The following UTP20 variants were observed in gnomAD, a reference collection of about 807,000 sequenced individuals.
UTP20 encodes the protein UTP20 small subunit processome component.
A neutral mutation model predicts 329.5 loss-of-function variants in UTP20; 164 were observed. The observed-to-expected ratio is 0.50, with a 90% CI of 0.44 to 0.57. UTP20 has a LOEUF of 0.57. UTP20 is among the 20% of genes least tolerant of loss of function. UTP20 has a pLI of 0.00. For missense variants in UTP20, 3,055 were observed against 3,284.2 expected (o/e 0.93, Z 1.71); for synonymous variants, 1,151 against 1,159.3 (o/e 0.99, Z 0.14).
chr12:101,318,478 CA>C (rs1873045851), intron 22 of UTP20, among the ~76,000 whole-genome samples: 1 of 152,126 alleles, frequency 6.6e-6, no homozygotes, highest in Non-Finnish European at 1.5e-5. Context: ...GAGTCATAGT[CA>C]ATCCTGCCTG....
chr12:101,287,656 C>T (rs979072196), intron 5 of UTP20, among the ~76,000 whole-genome samples: 3 of 152,192 alleles, frequency 2.0e-5, no homozygotes, highest in Admixed American at 6.5e-5. Context: ...TTAATACTAA[C>T]GTTCTTCCTG....
In UTP20 at chr12:101,345,669, T is replaced by C; in HGVS notation, c.4721T>C (p.Phe1574Ser). The C allele has an allele frequency of 6.2e-7, 1 of 1,609,750 alleles. No individual in the cohort carries two copies. The highest frequency in any genetic ancestry group is 8.5e-7 in the Non-Finnish European group (1 of 1,179,130). ...LTHYHDPEMD[F>S]FENMKHIQIH... ...CATTACCATGACCCAGAAATGGACT[T>C]CTTTGAGAACATGAAGCACATTCAG... is the stretch of plus-strand genomic sequence containing the variant. Residue 1574 changes from phenylalanine (F) to serine (S), a missense_variant, in exon 37 of 62, where the codon TTC becomes TCC. Transcript: ENST00000261637.
At chr12:101,315,885 T>C (rs1198177962) in intron 21 of UTP20, among the ~76,000 whole-genome samples, 1 of 152,176 alleles carries the variant, frequency 6.6e-6, no homozygotes, top group African/African-American at 2.4e-5. Flanking sequence ...AGTCTAATGG[T>C]ACAAGATGCT....
chr12:101,345,502 G>T, intron 36 of UTP20, 52 bp from the exon 37 acceptor site: 2 of 1,185,852 alleles, frequency 1.7e-6, no homozygotes, highest in Non-Finnish European at 2.3e-6. Flanking sequence ...CCTCATATTA[G>T]AAACAAATTC....
intron 48 of UTP20, among the ~76,000 whole-genome samples, chr12:101,368,764 G>A (rs34859860): frequency 0.13 from 20,340 of 152,178 alleles, 1,532 homozygotes; most frequent in Middle Eastern, 0.24. Flanking sequence ...TTAGGGCGAG[G>A]GCCTAGGTAC....
intron 26 of UTP20, among the ~76,000 whole-genome samples, chr12:101,328,944 A>T (rs2137266488): frequency 6.6e-6 from 1 of 152,142 alleles, no homozygotes; most frequent in African/African-American, 2.4e-5. Flanking sequence ...AGTGTAAAGA[A>T]ATTGGATGAG....
chr12:101,340,925 G>A (rs914193024), intron 32 of UTP20, among the ~76,000 whole-genome samples: 6 of 128,820 alleles, frequency 4.7e-5, no homozygotes, highest in Non-Finnish European at 8.4e-5. Context: ...CCCAAGAAGT[G>A]CATTGTGTAA....
chr12:101,344,524 C>A (rs1003114532), intron 35 of UTP20, 71 bp from the exon 36 acceptor site: 8 of 780,002 alleles, frequency 1.0e-5, no homozygotes, highest in Non-Finnish European at 1.8e-5. Flanking sequence ...TAGATGCTTG[C>A]ACTGGGAAGT....
chr12:101,355,888 G>GT (rs1311945479), intron 41 of UTP20, among the ~76,000 whole-genome samples: 10 of 152,064 alleles, frequency 6.6e-5, no homozygotes, highest in African/African-American at 2.4e-4. Context: ...CACTCACACA[G>GT]TTGACAGTTC....
At chr12:101,325,465 C>T (rs552857740) in intron 25 of UTP20, among the ~76,000 whole-genome samples, 1 of 152,320 alleles carries the variant, frequency 6.6e-6, no homozygotes, top group East Asian at 1.9e-4. Flanking sequence ...GTGGGTAAAA[C>T]TCCTAGTACC....
chr12:101,371,022 C>T, intron 50 of UTP20, 36 bp from the exon 51 acceptor site: 3 of 1,592,166 alleles, frequency 1.9e-6, no homozygotes, highest in East Asian at 2.2e-5. Flanking sequence ...CAGCAAAACA[C>T]ATGAAATGAG....
At chr12:101,303,702 A>G (rs536663186) in intron 15 of UTP20, among the ~76,000 whole-genome samples, 1 of 152,212 alleles carries the variant, frequency 6.6e-6, no homozygotes, top group South Asian at 2.1e-4. Flanking sequence ...TTTTACTCTG[A>G]ATGAAAGGGG....
rs754125503 is a variant in UTP20 at position 101,356,588 on chromosome 12, C to T, written c.5429C>T (p.Ser1810Leu). Residue 1810 changes from serine to leucine, a missense_variant, in exon 42 of 62, where the codon TCA (serine) becomes TTA (leucine). By Grantham distance (145) the Ser-to-Leu change is moderately radical. This residue lies in a region of UTP20 where 2,445 missense variants were observed against 2,575.5 expected (regional missense o/e 0.95). Coordinates refer to ENST00000261637, the MANE Select transcript of UTP20 (RefSeq NM_014503.3). ...KREEEHKLVKSKVVNDEEVVR... is the reference protein window; with the variant it reads ...KREEEHKLVKLKVVNDEEVVR... ...GAAGAAGAACACAAGCTTGTCAAGT[C>T]AAAGGTTGTGAATGATGAGGAAGTC... is the stretch of plus-strand genomic sequence containing the variant. 1 of 1,613,528 alleles carries T rather than the reference C, an allele frequency of 6.2e-7. No homozygotes were observed. The highest frequency in any genetic ancestry group is 8.5e-7 in the Non-Finnish European group (1 of 1,179,724).
At chr12:101,323,904 G>A (rs1219810314) in intron 25 of UTP20, among the ~76,000 whole-genome samples, 3 of 152,014 alleles carry the variant, frequency 2.0e-5, no homozygotes, top group Admixed American at 6.5e-5. Context: ...TTTGGGAGGC[G>A]GAGGTGGATG....
chr12:101,384,280 G>A (rs7296754), intron 60 of UTP20, among the ~76,000 whole-genome samples: 3,978 of 152,198 alleles, frequency 0.026, 159 homozygotes, highest in African/African-American at 0.079. Context: ...AGTGGCTCAC[G>A]CCTGTAATCC....
chr12:101,375,815 G>A, intron 56 of UTP20, 59 bp downstream of exon 56: 1 of 1,090,852 alleles, frequency 9.2e-7, no homozygotes, highest in Non-Finnish European at 1.3e-6. Flanking sequence ...ATTACTGAAA[G>A]TAGATTTGAG....
chr12:101,381,111 G>T, intron 57 of UTP20, 29 bp from the exon 58 acceptor site: 1 of 1,557,554 alleles, frequency 6.4e-7, no homozygotes. Flanking sequence ...CCTGTGTTTT[G>T]TCTACCAATG....
chr12:101,299,224 C>A (rs1423192736), intron 12 of UTP20, among the ~76,000 whole-genome samples: 3 of 152,152 alleles, frequency 2.0e-5, no homozygotes, highest in African/African-American at 2.4e-5. Flanking sequence ...CTGATCAAAG[C>A]AGCAGGAGAA....
Position 101,345,373 on chromosome 12 carries a change from G to C in UTP20, c.4606-181G>C, listed in dbSNP as rs112997103. Among the ~76,000 whole-genome samples the C allele has an allele frequency of 0.031, 4,768 of 152,026 alleles. 282 individuals are homozygous for C. The highest frequency in any genetic ancestry group is 0.11 in the African/African-American group (4,470 of 41,458). On this transcript the variant is annotated intron_variant, in intron 36 of 61. Transcript: ENST00000261637. ...GGCTGATTTTTGTATTTTTTGTAGAGACAGGATTTCACCATGTTGTCCAGG... is the reference window on the plus strand; with the variant it reads ...GGCTGATTTTTGTATTTTTTGTAGACACAGGATTTCACCATGTTGTCCAGG...
Sources: allele counts gnomAD v4.1 joint callset (sites outside exome capture counted in the v4.1 genomes callset), GRCh38; gene constraint gnomAD v4.1.1; regional missense constraint gnomAD v4.1.1; transcripts MANE v1.5; gene names NCBI Gene and HGNC (gene_info 2026-07-23, HGNC 2026-07-21).